The following TEC variants were observed in gnomAD, a reference collection of about 807,000 sequenced individuals.
TEC encodes the protein tec protein tyrosine kinase.
A neutral mutation model predicts 93.0 loss-of-function variants in TEC; 72 were observed. That is an observed-to-expected ratio of 0.77 (90% CI 0.64 to 0.94). TEC has a LOEUF of 0.94. Ranked by LOEUF, TEC falls within the 40% of genes least tolerant of loss-of-function variation. The probability of loss-of-function intolerance (pLI) is 0.00; values close to 1 mark genes in which losing one functional copy is unlikely to be tolerated. For synonymous variants in TEC, 249 were observed against 247.7 expected (o/e 1.01, Z -0.05); for missense variants, 630 against 757.9 (o/e 0.83, Z 1.98).
chr4:48,207,355 T>G lies in TEC; in HGVS notation c.138+21122A>C, dbSNP rs1249922429. 7.2e-5 allele frequency among the ~76,000 whole-genome samples: 11 copies of G among 152,304 alleles called. No homozygotes were observed. The East Asian group carries it at 1.5e-3, about 21-fold the overall frequency. On this transcript the variant is annotated intron_variant, in intron 2 of 17. Transcript: ENST00000381501. Reference sequence around the variant, plus strand: ...TTCAGGTCTTGAGTTGCTGGGATACTGCTTGTAACTACAAACCCTGTGTGT... The same window carrying G: ...TTCAGGTCTTGAGTTGCTGGGATACGGCTTGTAACTACAAACCCTGTGTGT...
At chr4:48,237,670 TATTTTACCTACAGA>T (rs1192008641) in intron 1 of TEC, among the ~76,000 whole-genome samples, 59 of 152,342 alleles carry the variant, frequency 3.9e-4, no homozygotes, top group Admixed American at 3.7e-3. Context: ...TATCCAGCAG[TATTTTACCTACAGA>T]ATTAGCAATA....
intron 12 of TEC, among the ~76,000 whole-genome samples, chr4:48,145,847 G>A (rs1054237759): frequency 2.0e-5 from 3 of 152,010 alleles, no homozygotes; most frequent in African/African-American, 7.2e-5. Context: ...AAAGTTAAAG[G>A]TACTTTTGTC....
At chr4:48,177,876 T>G (rs576335660) in intron 2 of TEC, among the ~76,000 whole-genome samples, 7 of 152,176 alleles carry the variant, frequency 4.6e-5, no homozygotes, top group African/African-American at 7.2e-5. Context: ...CTGCTCGCTC[T>G]CTCTCTCTTG....
intron 2 of TEC, among the ~76,000 whole-genome samples, chr4:48,226,539 A>C (rs1241035872): frequency 6.6e-6 from 1 of 152,002 alleles, no homozygotes; most frequent in Non-Finnish European, 1.5e-5. Context: ...ATAAATAGTA[A>C]ATCTATTTTC....
At chr4:48,146,271 CA>C in intron 12 of TEC, 53 bp downstream of exon 12, 1 of 1,531,518 alleles carries the variant, frequency 6.5e-7, no homozygotes, top group Non-Finnish European at 9.0e-7. Flanking sequence ...TATCTTATGA[CA>C]ATGGATTCTT....
chr4:48,156,567 T>C, intron 9 of TEC, 113 bp downstream of exon 9: 2 of 879,878 alleles, frequency 2.3e-6, no homozygotes, highest in South Asian at 2.3e-5. Flanking sequence ...TAGTTTTGCA[T>C]AGACTTGCTC....
intron 2 of TEC, among the ~76,000 whole-genome samples, chr4:48,199,455 C>CTGTTTTTTTTTTTTTTTTTTTTTT (rs1722415532): frequency 1.5e-5 from 1 of 67,360 alleles, no homozygotes. Flanking sequence ...GATTTTCTTT[C>CTGTTTTTTTTTTTTTTTTTTTTTT]TTTTTTTTTT....
At chr4:48,165,935 C>T (rs1037001228) in intron 7 of TEC, among the ~76,000 whole-genome samples, 1 of 152,204 alleles carries the variant, frequency 6.6e-6, no homozygotes, top group Non-Finnish European at 1.5e-5. Flanking sequence ...TAACCCCACA[C>T]TTTTGAGAGC....
chr4:48,165,563 T>C (rs569230547), intron 7 of TEC, among the ~76,000 whole-genome samples: 1 of 152,192 alleles, frequency 6.6e-6, no homozygotes, highest in Middle Eastern at 3.4e-3. Flanking sequence ...CCTGAACCAC[T>C]AAGCAATCTT....
intron 2 of TEC, among the ~76,000 whole-genome samples, chr4:48,179,575 G>C (rs576657586): frequency 6.6e-6 from 1 of 151,052 alleles, no homozygotes; most frequent in Non-Finnish European, 1.5e-5. Flanking sequence ...TTTTAGTAGA[G>C]ACAGGGTTTC....
intron 2 of TEC, among the ~76,000 whole-genome samples, chr4:48,217,493 G>A (rs766432740): frequency 1.1e-4 from 16 of 152,198 alleles, no homozygotes; most frequent in Non-Finnish European, 1.9e-4. Flanking sequence ...TGATAACCAT[G>A]ACAATGAAAG....
At chr4:48,143,046 T>C (rs1719753385) in intron 14 of TEC, among the ~76,000 whole-genome samples, 1 of 152,200 alleles carries the variant, frequency 6.6e-6, no homozygotes, top group South Asian at 2.1e-4. Context: ...TGTTCATAAT[T>C]CTATTTTCTC....
intron 2 of TEC, among the ~76,000 whole-genome samples, chr4:48,226,490 G>T (rs1379178761): frequency 2.0e-5 from 3 of 152,044 alleles, no homozygotes; most frequent in Admixed American, 1.3e-4. Context: ...CGTGAAGATG[G>T]CAAGGAAGAA....
chr4:48,195,115 G>A (rs1722252425), intron 2 of TEC, among the ~76,000 whole-genome samples: 1 of 152,206 alleles, frequency 6.6e-6, no homozygotes, highest in African/African-American at 2.4e-5. Flanking sequence ...TGAACCATCT[G>A]TAGAAGAAAT....
chr4:48,222,782 G>A (rs983558174), intron 2 of TEC, among the ~76,000 whole-genome samples: 2 of 152,096 alleles, frequency 1.3e-5, no homozygotes, highest in Non-Finnish European at 2.9e-5. Flanking sequence ...GACTCAGACT[G>A]AACTACATCA....
intron 3 of TEC, among the ~76,000 whole-genome samples, chr4:48,173,208 A>G (rs1021888835): frequency 6.6e-6 from 1 of 152,102 alleles, no homozygotes; most frequent in Admixed American, 6.5e-5. Flanking sequence ...CCAGACTCCA[A>G]GCAGTCTAAC....
chr4:48,211,495 C>G (rs2704408), intron 2 of TEC, among the ~76,000 whole-genome samples: 24,162 of 152,098 alleles, frequency 0.16, 2,895 homozygotes, highest in African/African-American at 0.32. Flanking sequence ...ACTATTTATC[C>G]TTATATTGTA....
At chr4:48,196,925 C>T (rs1033447296) in intron 2 of TEC, among the ~76,000 whole-genome samples, 3 of 152,112 alleles carry the variant, frequency 2.0e-5, no homozygotes, top group Non-Finnish European at 4.4e-5. Context: ...AGTATGAAAC[C>T]AATACTGAGC....
chr4:48,259,330 C>A (rs908087092), intron 1 of TEC, among the ~76,000 whole-genome samples: 8 of 152,118 alleles, frequency 5.3e-5, no homozygotes, highest in African/African-American at 1.9e-4. Context: ...TGTTTGCCTA[C>A]GTAACAAACC....
Sources: allele counts gnomAD v4.1 joint callset (sites outside exome capture counted in the v4.1 genomes callset), GRCh38; gene constraint gnomAD v4.1.1; transcripts MANE v1.5; gene names NCBI Gene and HGNC (gene_info 2026-07-23, HGNC 2026-07-21).